Variants in ERMARD observed in about 807,000 individuals in gnomAD.
ERMARD encodes the protein ER membrane associated RNA degradation.
ERMARD carries 71 observed loss-of-function variants against 83.9 expected under a neutral mutation model. The observed-to-expected ratio is 0.85, with a 90% CI of 0.70 to 1.03. The LOEUF is 1.03. ERMARD is among the 50% of genes least tolerant of loss of function. The pLI is 0.00. For synonymous variants in ERMARD, 284 were observed against 298.6 expected (o/e 0.95, Z 0.50); for missense variants, 838 against 810.9 (o/e 1.03, Z -0.41).
intron 10 of ERMARD, 108 bp downstream of exon 10, chr6:169,766,775 C>T (rs1792267721): frequency 4.1e-6 from 5 of 1,209,040 alleles, no homozygotes; most frequent in South Asian, 1.9e-5. Flanking sequence ...CATATACTTA[C>T]AGGAAAATGT....
chr6:169,751,486 G>T, upstream of ERMARD: 1 of 1,610,954 alleles, frequency 6.2e-7, no homozygotes, highest in South Asian at 1.1e-5. Flanking sequence ...GACGCCCACC[G>T]CCTCCCCTTC....
intron 5 of ERMARD, among the ~76,000 whole-genome samples, chr6:169,757,639 T>G (rs968411026): frequency 6.6e-6 from 1 of 152,156 alleles, no homozygotes; most frequent in African/African-American, 2.4e-5. Context: ...ATGAATAACC[T>G]TAGGCAGCTG....
rs538682755 is a variant in ERMARD at position 169,758,047 on chromosome 6, C to T, written c.508-921C>T. On this transcript the variant is annotated intron_variant, in intron 5 of 17. Coordinates refer to ENST00000366773, the MANE Select transcript of ERMARD (RefSeq NM_018341.3). ...AATTATTGGTAGAGCAAAAAGATCTCCTGAAGTTGCATAGAAGAACTGCTT... is the reference window on the plus strand; with the variant it reads ...AATTATTGGTAGAGCAAAAAGATCTTCTGAAGTTGCATAGAAGAACTGCTT... Among the ~76,000 whole-genome samples the T allele has an allele frequency of 4.9e-4, 74 of 152,300 alleles. 1 individual carries two copies. The highest frequency in any genetic ancestry group is 1.8e-3 in the African/African-American group (73 of 41,570).
At chr6:169,760,936 A>G (rs2128346586) in intron 8 of ERMARD, among the ~76,000 whole-genome samples, 180 bp downstream of exon 8, 1 of 152,310 alleles carries the variant, frequency 6.6e-6, no homozygotes, top group Middle Eastern at 3.4e-3. Context: ...CTGTGATTAT[A>G]TTGGAAACAT....
At chr6:169,763,318 C>T (rs751339627) in intron 9 of ERMARD, among the ~76,000 whole-genome samples, 4 of 152,170 alleles carry the variant, frequency 2.6e-5, no homozygotes, top group African/African-American at 4.8e-5. Flanking sequence ...CCCTCTGTGT[C>T]GTCTTCCAGT....
intron 9 of ERMARD, among the ~76,000 whole-genome samples, chr6:169,765,863 C>A (rs1405006251): frequency 9.9e-6 from 1 of 100,516 alleles, no homozygotes; most frequent in Non-Finnish European, 2.0e-5. Flanking sequence ...CTCATGCTGT[C>A]AAATCTCACT....
chr6:169,755,141 T>C, intron 2 of ERMARD, 142 bp from the exon 3 acceptor site: 1 of 930,356 alleles, frequency 1.1e-6, no homozygotes. Flanking sequence ...AATATAAAAG[T>C]ATATCATATG....
intron 10 of ERMARD, chr6:169,766,905 A>T: frequency 2.4e-6 from 1 of 422,582 alleles, no homozygotes; most frequent in South Asian, 6.5e-5. Flanking sequence ...ATACCAAGGG[A>T]TCTAACATGA....
chr6:169,755,223 A>G lies in ERMARD; in HGVS notation c.176-60A>G, dbSNP rs1790646072. 23 of 1,546,280 alleles carry G rather than the reference A, an allele frequency of 1.5e-5. No individual in the cohort carries two copies. In the East Asian group the frequency reaches 5.0e-4, roughly 33 times the overall value. On this transcript the variant is annotated intron_variant, in intron 2 of 17. Coordinates refer to ENST00000366773, the MANE Select transcript of ERMARD (RefSeq NM_018341.3). ...AGCATTTTTTTCTTTGATGATGTAG[A>G]TATTTTATATCATGTGATATGGAGC...
At position 169,767,756 on chromosome 6, in the gene ERMARD, T is replaced by TACACACACACAC. The variant is rs59747825; in HGVS notation, c.991-333_991-322dup. On this transcript the variant is annotated intron_variant, in intron 10 of 17. Transcript: ENST00000366773. ...CATACACACATGCAGGCACATACAC[T>TACACACACACAC]ACACACACACACACACACACACACA... 7.4e-3 allele frequency: 1,924 copies of TACACACACACAC among 259,554 alleles called. 38 individuals are homozygous for TACACACACACAC. Among genetic ancestry groups the TACACACACACAC allele is most frequent in the African/African-American group, 0.041 (1,798 of 43,642 alleles). 16.1% of individuals were successfully genotyped at this position (259,554 alleles called of 1,614,324 possible). A position where few individuals can be genotyped will look rare whatever the true frequency, so the allele number is the denominator to read the frequency against.
chr6:169,779,847 G>T (rs1262366960), intron 17 of ERMARD, among the ~76,000 whole-genome samples: 3 of 152,230 alleles, frequency 2.0e-5, no homozygotes, highest in African/African-American at 7.2e-5. Context: ...CGATCTAGGA[G>T]TCTGAAGTAG....
chr6:169,760,707 A>C lies in ERMARD; in HGVS notation c.808A>C (p.Ile270Leu). The change falls in exon 8 of 18, where the codon ATC becomes CTC. Residue 270 changes from isoleucine to leucine, a missense_variant. Coordinates refer to ENST00000366773, the MANE Select transcript of ERMARD (RefSeq NM_018341.3). ...GATGAAATCTGCTTTTATATTAAAA[A>C]TCATGTTACCATATTGGGAAGTTGC... ...VMMKSAFILK[I>L]MLPYWEVALV... 1 of 1,614,090 alleles carries C rather than the reference A, an allele frequency of 6.2e-7. No homozygotes were observed. Among genetic ancestry groups the C allele is most frequent in the Non-Finnish European group, 8.5e-7 (1 of 1,179,942 alleles).
chr6:169,762,516 A>C lies in ERMARD; in HGVS notation c.945A>C (p.Arg315Ser). ...VFATLNRCPK[R>S]LLTAESTALY... ...CCACACTTAACAGATGTCCAAAAAGACTCCTGACTGCTGAGGTAAGCTTGT... is the reference window on the plus strand; with the variant it reads ...CCACACTTAACAGATGTCCAAAAAGCCTCCTGACTGCTGAGGTAAGCTTGT... Residue 315 changes from arginine (R) to serine (S), a missense_variant, in exon 9 of 18, where the codon AGA becomes AGC. By Grantham distance (110) the Arg-to-Ser change is moderately radical. Coordinates refer to ENST00000366773, the MANE Select transcript of ERMARD (RefSeq NM_018341.3). The C allele has an allele frequency of 6.2e-7, 1 of 1,613,772 alleles. No homozygotes were observed. The highest frequency in any genetic ancestry group is 1.1e-5 in the South Asian group (1 of 91,036).
chr6:169,759,905 A>G lies in ERMARD; in HGVS notation c.673A>G (p.Thr225Ala), dbSNP rs1313400824. The stretch of plus-strand genomic sequence containing the variant: ...GTTACTGAAGAGTTACCTTCAAAAC[A>G]CTAAACTTACATTGGCACATCGCTC... The part of the protein sequence containing the change: ...GQLLKSYLQN[T>A]KLTLAHRSFI... The change falls in exon 7 of 18, where the codon ACT becomes GCT. Residue 225 changes from threonine (T) to alanine (A), a missense_variant. Physicochemically the swap from Thr to Ala is moderately conservative, Grantham distance 58. Coordinates refer to ENST00000366773, the MANE Select transcript of ERMARD (RefSeq NM_018341.3). The G allele has an allele frequency of 1.2e-6, 2 of 1,614,238 alleles. No homozygotes were observed. The highest frequency in any genetic ancestry group is 2.2e-5 in the South Asian group (2 of 91,086).
At chr6:169,768,529 G>A (rs144138181) in intron 11 of ERMARD, among the ~76,000 whole-genome samples, 43 of 152,208 alleles carry the variant, frequency 2.8e-4, no homozygotes, top group Admixed American at 8.5e-4. Flanking sequence ...AGGCCAAGGC[G>A]GGCAGATCAC....
At chr6:169,755,997 T>C (rs1790767706) in intron 3 of ERMARD, among the ~76,000 whole-genome samples, 1 of 152,210 alleles carries the variant, frequency 6.6e-6, no homozygotes, top group African/African-American at 2.4e-5. Flanking sequence ...CACTTTTAAA[T>C]GGCAGGATGA....
At chr6:169,753,733 C>T (rs981554453) in intron 1 of ERMARD, 131 bp from the exon 2 acceptor site, 2 of 558,884 alleles carry the variant, frequency 3.6e-6, no homozygotes, top group Non-Finnish European at 5.9e-6. Flanking sequence ...ACAGCTCTCA[C>T]GATATCCAGA....
chr6:169,776,742 T>A, intron 16 of ERMARD, 69 bp downstream of exon 16: 1 of 1,553,994 alleles, frequency 6.4e-7, no homozygotes, highest in Admixed American at 1.8e-5. Context: ...GCAGTTCTAG[T>A]CCTCACTTCC....
chr6:169,777,903 TATTC>T (rs1353206069), intron 16 of ERMARD, among the ~76,000 whole-genome samples: 3 of 152,360 alleles, frequency 2.0e-5, no homozygotes, highest in Admixed American at 6.5e-5. Context: ...TTATAATTTG[TATTC>T]ATTCATTCAT....
Sources: gnomAD v4.1 joint callset for allele counts (sites outside exome capture counted in the v4.1 genomes callset) on GRCh38, gnomAD v4.1.1 for gene constraint, MANE v1.5 for transcripts, NCBI Gene and HGNC (gene_info 2026-07-23, HGNC 2026-07-21) for gene names.